The following NCKAP5 variants were observed in gnomAD, a reference collection of about 807,000 sequenced individuals.
NCKAP5 encodes nck-associated protein 5.
In NCKAP5, 92 loss-of-function variants were observed where a neutral mutation model predicts 167.0. The observed-to-expected ratio is 0.55, with a 90% CI of 0.47 to 0.66. The LOEUF is 0.66. Among genes scored for constraint, NCKAP5 ranks in the 30% least tolerant of loss-of-function variants. The pLI, the probability that NCKAP5 is intolerant of heterozygous loss-of-function variation, is 0.00. For synonymous variants in NCKAP5, 891 were observed against 877.4 expected (o/e 1.02, Z -0.27); for missense variants, 2,378 against 2,315.0 (o/e 1.03, Z -0.56).
rs1036517071 is a variant in NCKAP5 at position 133,503,933 on chromosome 2, C to T, written c.69+13525G>A. On this transcript the variant is annotated intron_variant, in intron 3 of 19. Transcript: ENST00000409261. Reference sequence around the variant, plus strand: ...AGGAACCAAGGCCTAGGAGCCCTAGCTGTCACTCTCCTCCTCCTCCTCTGA... The same window carrying T: ...AGGAACCAAGGCCTAGGAGCCCTAGTTGTCACTCTCCTCCTCCTCCTCTGA... 5.3e-5 allele frequency among the ~76,000 whole-genome samples: 8 copies of T among 152,144 alleles called. 1 individual carries two copies. The highest frequency in any genetic ancestry group is 1.9e-4 in the African/African-American group (8 of 41,436).
At chr2:133,001,551 G>A (rs2077782582) in intron 6 of NCKAP5, among the ~76,000 whole-genome samples, 2 of 152,024 alleles carry the variant, frequency 1.3e-5, no homozygotes, top group African/African-American at 4.8e-5. Context: ...CATACATTGA[G>A]GTTCCATGAG....
At position 132,857,764 on chromosome 2, in the gene NCKAP5, T is replaced by C. The variant is rs79438676; in HGVS notation, c.807+2728A>G. Among the ~76,000 whole-genome samples the C allele has an allele frequency of 8.5e-3, 1,292 of 152,300 alleles. 18 individuals carry two copies. The highest frequency in any genetic ancestry group is 0.029 in the African/African-American group (1,198 of 41,554). ...AGAAAATGAAATCAATAGAGAAGTT[T>C]GTTGTCAATCTTAAGATTTTAATTT... On this transcript the variant is annotated intron_variant, in intron 11 of 19. Transcript: ENST00000409261.
chr2:132,932,681 C>T (rs1015463734), intron 8 of NCKAP5, among the ~76,000 whole-genome samples: 7 of 152,006 alleles, frequency 4.6e-5, no homozygotes, highest in African/African-American at 1.4e-4. Flanking sequence ...TTACTTTTTC[C>T]ACAAAAGGGG....
At chr2:133,668,810 C>T in the NCKAP5 span, among the ~76,000 whole-genome samples, 1 of 152,128 alleles carries the variant, frequency 6.6e-6, no homozygotes, top group African/African-American at 2.4e-5. Flanking sequence ...CTTTCTGCTC[C>T]TTCCTATCTT....
chr2:132,893,457 G>A (rs371488442), intron 8 of NCKAP5, among the ~76,000 whole-genome samples: 1 of 152,050 alleles, frequency 6.6e-6, no homozygotes, highest in East Asian at 1.9e-4. Context: ...TATATAATGG[G>A]ATACTATATA....
At chr2:132,937,381 C>T (rs1696934805) in intron 8 of NCKAP5, among the ~76,000 whole-genome samples, 2 of 152,132 alleles carry the variant, frequency 1.3e-5, no homozygotes, top group African/African-American at 2.4e-5. Context: ...ATATTAAAAA[C>T]ATTTACTTAA....
chr2:132,797,273 G>A (rs2105173751), intron 11 of NCKAP5, among the ~76,000 whole-genome samples: 1 of 152,200 alleles, frequency 6.6e-6, no homozygotes, highest in Middle Eastern at 3.4e-3. Flanking sequence ...AATTGCTTTG[G>A]GGACCTGGGG....
chr2:133,243,848 G>C (rs1241560725), intron 4 of NCKAP5, among the ~76,000 whole-genome samples: 2 of 152,208 alleles, frequency 1.3e-5, no homozygotes, highest in African/African-American at 4.8e-5. Context: ...AGGTAAAAAT[G>C]CATGTAATTC....
intron 4 of NCKAP5, among the ~76,000 whole-genome samples, chr2:133,235,253 C>A (rs2087346095): frequency 6.6e-6 from 1 of 152,102 alleles, no homozygotes; most frequent in Non-Finnish European, 1.5e-5. Flanking sequence ...TTGCACAGAG[C>A]AGTGAAAGTG....
At chr2:133,409,700 CA>C (rs1688660196) in intron 3 of NCKAP5, among the ~76,000 whole-genome samples, 1 of 152,056 alleles carries the variant, frequency 6.6e-6, no homozygotes. Context: ...CATGTGTATG[CA>C]ATGTTGTAGG....
intron 3 of NCKAP5, among the ~76,000 whole-genome samples, chr2:133,315,956 C>T (rs994804503): frequency 1.3e-5 from 2 of 152,136 alleles, no homozygotes; most frequent in East Asian, 1.9e-4. Context: ...GAAAATCAGT[C>T]TCCAAGAGAC....
chr2:133,569,929 G>A (rs115703204), upstream of NCKAP5, among the ~76,000 whole-genome samples: 2 of 152,198 alleles, frequency 1.3e-5, no homozygotes, highest in African/African-American at 4.8e-5. Context: ...CTTAGACCCA[G>A]CAATTCCACT....
the NCKAP5 span, among the ~76,000 whole-genome samples, chr2:133,618,336 G>A: frequency 6.6e-6 from 1 of 150,412 alleles, no homozygotes; most frequent in African/African-American, 2.4e-5. Flanking sequence ...CTTCTGCACA[G>A]CAAAAGAAAC....
At position 133,481,832 on chromosome 2, in the gene NCKAP5, C is replaced by T. The variant is rs531361251; in HGVS notation, c.69+35626G>A. Among the ~76,000 whole-genome samples the T allele has an allele frequency of 1.3e-4, 20 of 152,250 alleles. No homozygotes were observed. The South Asian group carries it at 4.1e-3, about 32-fold the overall frequency. On this transcript the variant is annotated intron_variant, in intron 3 of 19. Transcript: ENST00000409261. ...ACCACATTTTCTTTATCCAGTCTATCAATGATGGTCATTTAGGTTGATTCC... is the reference window on the plus strand; with the variant it reads ...ACCACATTTTCTTTATCCAGTCTATTAATGATGGTCATTTAGGTTGATTCC...
intron 6 of NCKAP5, among the ~76,000 whole-genome samples, chr2:133,127,521 G>A (rs1184299772): frequency 6.6e-6 from 1 of 152,162 alleles, no homozygotes; most frequent in African/African-American, 2.4e-5. Flanking sequence ...TTTCAGCCTA[G>A]GATGTAGTCT....
Position 133,100,609 on chromosome 2 carries a change from G to A in NCKAP5, c.341+29369C>T, listed in dbSNP as rs142129286. Among the ~76,000 whole-genome samples the A allele has an allele frequency of 4.8e-3, 738 of 152,204 alleles. 5 individuals carry two copies. Among genetic ancestry groups the A allele is most frequent in the Non-Finnish European group, 7.9e-3 (535 of 68,004 alleles). On this transcript the variant is annotated intron_variant, in intron 6 of 19. Transcript: ENST00000409261. ...GTAAAAATTGGGTTGTAGCAACAGC[G>A]TAAGAAATCCTTTTTGGTTATAACA...
intron 3 of NCKAP5, among the ~76,000 whole-genome samples, chr2:133,362,276 C>T (rs1221309285): frequency 6.6e-6 from 1 of 152,148 alleles, no homozygotes; most frequent in Non-Finnish European, 1.5e-5. Context: ...AAGCCCAAGA[C>T]AAGTGAGGAG....
At chr2:133,527,513 G>A (rs1685022911) in intron 2 of NCKAP5, among the ~76,000 whole-genome samples, 2 of 106,468 alleles carry the variant, frequency 1.9e-5, no homozygotes, top group Non-Finnish European at 3.7e-5. Context: ...AAATAATCCC[G>A]ATGTGAAATG....
intron 6 of NCKAP5, among the ~76,000 whole-genome samples, chr2:133,112,981 T>C (rs1244759845): frequency 6.6e-6 from 1 of 152,202 alleles, no homozygotes; most frequent in African/African-American, 2.4e-5. Flanking sequence ...TAACAGGCCA[T>C]AGGGCAGCCA....
Sources: allele counts gnomAD v4.1 joint callset (sites outside exome capture counted in the v4.1 genomes callset), GRCh38; gene constraint gnomAD v4.1.1; transcripts MANE v1.5; gene names NCBI Gene and HGNC (gene_info 2026-07-23, HGNC 2026-07-21).